KCNT2: variants seen among roughly 807,000 people sequenced by gnomAD.
The protein encoded by KCNT2 is potassium channel subfamily T member 2.
Under a neutral mutation model 153.8 loss-of-function variants are expected in KCNT2, and 67 were observed. The observed-to-expected ratio is 0.44, with a 90% CI of 0.36 to 0.53. The LOEUF (loss-of-function observed/expected upper bound fraction) is 0.53, where lower values mean the gene tolerates loss of function less well. Ranked by LOEUF, KCNT2 falls within the 20% of genes least tolerant of loss-of-function variation. KCNT2 has a pLI of 0.00. For missense variants in KCNT2, 975 were observed against 1,354.8 expected, an observed-to-expected ratio of 0.72 and a Z score of 4.40; for synonymous variants, 500 against 458.8, an observed-to-expected ratio of 1.09 and a Z score of -1.15.
intron 14 of KCNT2, chr1:196,342,999 C>T (rs995822689): frequency 6.6e-6 from 1 of 152,144 alleles, no homozygotes; most frequent in African/African-American, 2.4e-5. Context: ...AAAGAGCTAT[C>T]TTCCCGCCAT....
intron 1 of KCNT2, among the ~76,000 whole-genome samples, chr1:196,540,711 C>A (rs1040613741): frequency 6.6e-5 from 10 of 152,126 alleles, no homozygotes; most frequent in African/African-American, 2.4e-4. Flanking sequence ...AAGTATGTAA[C>A]CTTGAAAATA....
chr1:196,519,480 CAAAT>C (rs1417042236), intron 1 of KCNT2, among the ~76,000 whole-genome samples: 1 of 151,430 alleles, frequency 6.6e-6, no homozygotes, highest in Admixed American at 6.6e-5. Flanking sequence ...ACAAGAAAAA[CAAAT>C]AAAAAAATCA....
intron 3 of KCNT2, among the ~76,000 whole-genome samples, chr1:196,484,539 G>C (rs186949883): frequency 6.6e-6 from 1 of 151,788 alleles, no homozygotes; most frequent in African/African-American, 2.4e-5. Flanking sequence ...ATAAGATCCT[G>C]TTTGTCAATT....
chr1:196,381,648 C>T (rs1282658149), intron 13 of KCNT2, among the ~76,000 whole-genome samples: 1 of 152,080 alleles, frequency 6.6e-6, no homozygotes, highest in Non-Finnish European at 1.5e-5. Flanking sequence ...TTAACCAGCA[C>T]TTAAAATAGG....
At chr1:196,352,154 G>C (rs1357417073) in intron 14 of KCNT2, among the ~76,000 whole-genome samples, 1 of 151,936 alleles carries the variant, frequency 6.6e-6, no homozygotes, top group Non-Finnish European at 1.5e-5. Context: ...AAGGATATTG[G>C]TCTAAAATTC....
In KCNT2 at chr1:196,311,366, T is replaced by C. The variant is rs189852343; in HGVS notation, c.2483+4526A>G. Among the ~76,000 whole-genome samples, 5 of 151,728 alleles carry C rather than the reference T, an allele frequency of 3.3e-5. No homozygotes were observed. The East Asian group carries it at 9.7e-4, about 29-fold the overall frequency. On this transcript the variant is annotated intron_variant, in intron 21 of 27. Transcript: ENST00000294725. ...GCATGATACATTAACAAATCACAAT[T>C]GCAGGCATGGCCACAGAAGTCATCC...
chr1:196,512,250 T>G (rs115342032), intron 1 of KCNT2, among the ~76,000 whole-genome samples: 1 of 152,142 alleles, frequency 6.6e-6, no homozygotes, highest in Non-Finnish European at 1.5e-5. Context: ...CAGCTGGCTC[T>G]TTCTGCTCTA....
chr1:196,258,994 TTATAA>T (rs1253281869), intron 25 of KCNT2, among the ~76,000 whole-genome samples: 3 of 152,160 alleles, frequency 2.0e-5, no homozygotes, highest in Admixed American at 6.5e-5. Flanking sequence ...GGCATGAACG[TTATAA>T]TATGTGAATT....
intron 14 of KCNT2, among the ~76,000 whole-genome samples, chr1:196,363,525 G>A (rs141444207): frequency 1.5e-4 from 23 of 152,256 alleles, no homozygotes; most frequent in African/African-American, 4.8e-4. Flanking sequence ...ATGCAACAGT[G>A]TTGGGAGGTG....
chr1:196,279,509 G>A (rs531651250), intron 25 of KCNT2, among the ~76,000 whole-genome samples: 5 of 151,816 alleles, frequency 3.3e-5, no homozygotes, highest in South Asian at 2.1e-4. Flanking sequence ...TGCAACCTCC[G>A]ACTCCCAGGT....
intron 26 of KCNT2, among the ~76,000 whole-genome samples, chr1:196,246,466 A>G (rs1487225535): frequency 6.6e-6 from 1 of 152,176 alleles, no homozygotes; most frequent in African/African-American, 2.4e-5. Context: ...ATACACACAC[A>G]AAAATATACT....
intron 25 of KCNT2, among the ~76,000 whole-genome samples, chr1:196,272,603 C>T (rs1658174394): frequency 6.6e-6 from 1 of 151,778 alleles, no homozygotes; most frequent in Non-Finnish European, 1.5e-5. Context: ...GCTACAAACC[C>T]AGCTTTGCCA....
intron 1 of KCNT2, among the ~76,000 whole-genome samples, chr1:196,573,691 G>A (rs1300209146): frequency 6.6e-6 from 1 of 152,008 alleles, no homozygotes; most frequent in African/African-American, 2.4e-5. Context: ...GAGAGAAAGA[G>A]GAGGGAAGGA....
intron 26 of KCNT2, among the ~76,000 whole-genome samples, chr1:196,241,547 A>T (rs556869397): frequency 5.8e-4 from 89 of 152,202 alleles, no homozygotes; most frequent in Admixed American, 2.6e-3. Context: ...ACCTCTATTT[A>T]AAATTATTTT....
At position 196,396,134 on chromosome 1, in the gene KCNT2, G is replaced by C. The variant is rs180800511; in HGVS notation, c.1294+2429C>G. ...GTAAGTTGGGAGCTGGACAGGTGAG[G>C]TGCTGGTATGGATGAGCCTCACTTT... is the stretch of plus-strand genomic sequence containing the variant. On this transcript the variant is annotated intron_variant, in intron 13 of 27. Coordinates refer to ENST00000294725, the MANE Select transcript of KCNT2 (RefSeq NM_198503.5). 2.0e-3 allele frequency among the ~76,000 whole-genome samples: 309 copies of C among 151,708 alleles called. 2 individuals are homozygous for C. Among genetic ancestry groups the C allele is most frequent in the African/African-American group, 7.0e-3 (291 of 41,478 alleles).
chr1:196,383,267 C>T (rs1205698767), intron 13 of KCNT2, among the ~76,000 whole-genome samples: 1 of 152,098 alleles, frequency 6.6e-6, no homozygotes, highest in Non-Finnish European at 1.5e-5. Flanking sequence ...GCAGCTCATG[C>T]CATATGTGAT....
At chr1:196,445,629 T>C (rs1002457509) in intron 8 of KCNT2, among the ~76,000 whole-genome samples, 16 of 151,462 alleles carry the variant, frequency 1.1e-4, no homozygotes, top group Admixed American at 5.3e-4. Flanking sequence ...GTCATAATGA[T>C]AGCCCTTTCA....
intron 1 of KCNT2, among the ~76,000 whole-genome samples, chr1:196,540,432 C>G (rs1426516196): frequency 6.6e-6 from 1 of 152,128 alleles, no homozygotes; most frequent in African/African-American, 2.4e-5. Flanking sequence ...CAATTCTCCT[C>G]AAAAGGAAGC....
rs1439676409 is a variant in KCNT2, at chr1:196,352,419, C to T, written c.1404-10191G>A. ...GTCTATTCAGAGATTCAACTTCTTCCTGGTTTAGTCTTGGGAGAGTGTATG... is the reference window on the plus strand; with the variant it reads ...GTCTATTCAGAGATTCAACTTCTTCTTGGTTTAGTCTTGGGAGAGTGTATG... On this transcript the variant is annotated intron_variant, in intron 14 of 27. Coordinates refer to ENST00000294725, the MANE Select transcript of KCNT2 (RefSeq NM_198503.5). Among the ~76,000 whole-genome samples, 5 of 152,044 alleles carry T rather than the reference C, an allele frequency of 3.3e-5. No homozygotes were observed. The South Asian group carries it at 8.3e-4, about 25-fold the overall frequency.
Sources: gnomAD v4.1 joint callset for allele counts (sites outside exome capture counted in the v4.1 genomes callset) on GRCh38, gnomAD v4.1.1 for gene constraint, MANE v1.5 for transcripts, NCBI Gene and HGNC (gene_info 2026-07-23, HGNC 2026-07-21) for gene names.